Variants in RAB40B observed in about 807,000 individuals in gnomAD.
RAB40B encodes the protein ras-related protein Rab-40B.
In RAB40B, 21 loss-of-function variants were observed where a neutral mutation model predicts 24.0. The observed-to-expected ratio is 0.88, with a 90% CI of 0.62 to 1.26. The LOEUF (loss-of-function observed/expected upper bound fraction) is 1.26. Among genes scored for constraint, RAB40B ranks in the 50% most tolerant of loss-of-function variants. The probability of loss-of-function intolerance (pLI) is 0.00; values close to 1 mark genes in which losing one functional copy is unlikely to be tolerated. For synonymous variants in RAB40B, 167 were observed against 169.8 expected (o/e 0.98, Z 0.13); for missense variants, 348 against 390.5 (o/e 0.89, Z 0.92).
chr17:82,682,363 G>A (rs1415144388), intron 1 of RAB40B, among the ~76,000 whole-genome samples: 1 of 152,066 alleles, frequency 6.6e-6, no homozygotes, highest in Non-Finnish European at 1.5e-5. Flanking sequence ...AAAAAAAAGT[G>A]CAAGACTTAT....
chr17:82,661,379 T>A (rs896876752), intron 2 of RAB40B: 2 of 759,908 alleles, frequency 2.6e-6, no homozygotes, highest in African/African-American at 3.8e-5. Flanking sequence ...CAGTAAGGAG[T>A]GTGGGTCTAC....
At chr17:82,691,865 T>G (rs2046561587) in intron 1 of RAB40B, among the ~76,000 whole-genome samples, 1 of 152,062 alleles carries the variant, frequency 6.6e-6, no homozygotes, top group African/African-American at 2.4e-5. Context: ...AAATGGAACT[T>G]CCGAGGGGAA....
chr17:82,667,259 G>A lies in RAB40B; in HGVS notation c.143-2703C>T, dbSNP rs2046269513. Reference sequence around the variant, plus strand: ...TGTGCCGAGTTCCTGGTCTCCTGTCGGGCAGAGCGAGGTGTGCAGTGGCGG... The same window carrying A: ...TGTGCCGAGTTCCTGGTCTCCTGTCAGGCAGAGCGAGGTGTGCAGTGGCGG... On this transcript the variant is annotated intron_variant, in intron 1 of 5. Transcript: ENST00000571995. This position sits in a 1 kb window ranked among gnomAD's most constrained non-coding sequence, Gnocchi z 4.3. Among the ~76,000 whole-genome samples the A allele has an allele frequency of 6.6e-6, 1 of 152,358 alleles. No individual in the cohort carries two copies. Among genetic ancestry groups the A allele is most frequent in the South Asian group, 2.1e-4 (1 of 4,832 alleles).
intron 3 of RAB40B, among the ~76,000 whole-genome samples, chr17:82,660,084 G>A (rs183971873): frequency 6.7e-5 from 10 of 149,924 alleles, no homozygotes; most frequent in East Asian, 2.0e-4. Flanking sequence ...ATACACACAC[G>A]CAGGCACTCA....
At chr17:82,679,226 C>G (rs1463373569) in intron 1 of RAB40B, among the ~76,000 whole-genome samples, 12 of 151,670 alleles carry the variant, frequency 7.9e-5, no homozygotes, top group Admixed American at 7.9e-4. Flanking sequence ...CAGCAACCAC[C>G]TTCTCCGGTA....
intron 1 of RAB40B, among the ~76,000 whole-genome samples, chr17:82,673,739 G>A (rs533308351): frequency 3.1e-4 from 47 of 152,218 alleles, no homozygotes; most frequent in African/African-American, 1.1e-3. Context: ...CACCTTGTGG[G>A]CCTTGCTGTA....
chr17:82,661,203 CT>C (rs2046167881), intron 2 of RAB40B, 156 bp from the exon 3 acceptor site: 1 of 1,435,368 alleles, frequency 7.0e-7, no homozygotes, highest in South Asian at 1.6e-5. Context: ...TCCAATGTCC[CT>C]GAAGGGATCC....
intron 1 of RAB40B, among the ~76,000 whole-genome samples, chr17:82,677,355 T>C (rs1367408973): frequency 6.6e-6 from 1 of 152,200 alleles, no homozygotes; most frequent in East Asian, 1.9e-4. Context: ...TAAAAGCTCA[T>C]TACAATGAGA....
chr17:82,685,006 CA>C, intron 1 of RAB40B, among the ~76,000 whole-genome samples: 1 of 151,366 alleles, frequency 6.6e-6, no homozygotes, highest in Middle Eastern at 3.4e-3. Context: ...CCCAGCTACT[CA>C]GGAGGCTGAG....
intron 1 of RAB40B, among the ~76,000 whole-genome samples, chr17:82,666,069 C>T (rs896320752): frequency 4.0e-5 from 6 of 151,290 alleles, no homozygotes; most frequent in Admixed American, 2.6e-4. Context: ...CCTGCCACCG[C>T]ACCTGCCACC....
At chr17:82,661,936 G>C in intron 2 of RAB40B, 3 of 984,680 alleles carry the variant, frequency 3.0e-6, no homozygotes, top group Non-Finnish European at 3.6e-6. Context: ...GGTGGAAAGG[G>C]TGCTCCCCAG....
chr17:82,665,492 A>G (rs2046244139), intron 1 of RAB40B, among the ~76,000 whole-genome samples: 1 of 152,088 alleles, frequency 6.6e-6, no homozygotes, highest in Non-Finnish European at 1.5e-5. Flanking sequence ...AAGTTCACAC[A>G]ATCTGCCCGG....
chr17:82,684,475 G>A (rs551659908), intron 1 of RAB40B, among the ~76,000 whole-genome samples: 1 of 152,248 alleles, frequency 6.6e-6, no homozygotes, highest in South Asian at 2.1e-4. Flanking sequence ...GCACAAAAAC[G>A]AGTCATAAAC....
rs182666748 is a variant in RAB40B, at chr17:82,692,020, G to A, written c.142+6435C>T. On this transcript the variant is annotated intron_variant, in intron 1 of 5. Transcript: ENST00000571995. This position sits in a 1 kb window ranked among gnomAD's most constrained non-coding sequence, Gnocchi z 4.0. ...CAGAGCAGTGGGGCCCGCACGGTCC[G>A]TGGGCTGAGGTGACAGGCAGAGCAG... 2.8e-3 allele frequency among the ~76,000 whole-genome samples: 427 copies of A among 151,214 alleles called. 4 individuals are homozygous for A. Among genetic ancestry groups the A allele is most frequent in the African/African-American group, 9.1e-3 (374 of 41,026 alleles).
At chr17:82,693,660 C>T (rs185991015) in intron 1 of RAB40B, among the ~76,000 whole-genome samples, 3 of 152,208 alleles carry the variant, frequency 2.0e-5, no homozygotes, top group East Asian at 1.9e-4. Flanking sequence ...GCCCGTCACC[C>T]GCAGGATGGA....
At chr17:82,670,349 T>A (rs987798886) in intron 1 of RAB40B, among the ~76,000 whole-genome samples, 1 of 151,840 alleles carries the variant, frequency 6.6e-6, no homozygotes, top group Admixed American at 6.6e-5. Flanking sequence ...CAAGCCAAGC[T>A]AATTTGTGTA....
intron 1 of RAB40B, among the ~76,000 whole-genome samples, chr17:82,670,644 C>G (rs1400569067): frequency 6.6e-6 from 1 of 151,298 alleles, no homozygotes; most frequent in Non-Finnish European, 1.5e-5. Flanking sequence ...AAGGGATTCT[C>G]CTGTCTCAGC....
chr17:82,661,593 A>G (rs964985849), intron 2 of RAB40B, among the ~76,000 whole-genome samples: 2 of 152,166 alleles, frequency 1.3e-5, no homozygotes, highest in African/African-American at 4.8e-5. Flanking sequence ...GAGCTCCAAG[A>G]AACAAATGAA....
At position 82,663,394 on chromosome 17, in the gene RAB40B, G is replaced by A. The variant is rs1299971695; in HGVS notation, c.203+1102C>T. Among the ~76,000 whole-genome samples, 1 of 152,110 alleles carries A rather than the reference G, an allele frequency of 6.6e-6. No individual in the cohort carries two copies. Among genetic ancestry groups the A allele is most frequent in the African/African-American group, 2.4e-5 (1 of 41,410 alleles). On this transcript the variant is annotated intron_variant, in intron 2 of 5. Transcript: ENST00000571995. This position sits in a 1 kb window ranked among gnomAD's most constrained non-coding sequence, Gnocchi z 6.2. The stretch of plus-strand genomic sequence containing the variant: ...GTGCAGGAGGGATGCCCAAGAGGGA[G>A]GCAGCCCCAGGATGAGGCACCGCAG...
Sources: allele counts gnomAD v4.1 joint callset (sites outside exome capture counted in the v4.1 genomes callset), GRCh38; gene constraint gnomAD v4.1.1; non-coding constraint Gnocchi (gnomAD v3.1); transcripts MANE v1.5; gene names NCBI Gene and HGNC (gene_info 2026-07-23, HGNC 2026-07-21).